SPATA32: variants seen among roughly 807,000 people sequenced by gnomAD.
The protein encoded by SPATA32 is spermatogenesis-associated protein 32.
In SPATA32, 28 loss-of-function variants were observed where a neutral mutation model predicts 35.4. The observed-to-expected ratio is 0.79, with a 90% CI of 0.59 to 1.09. SPATA32 has a LOEUF of 1.09. Among genes scored for constraint, SPATA32 ranks in the 50% least tolerant of loss-of-function variants. The pLI is 0.00. For synonymous variants in SPATA32, 168 were observed against 196.3 expected (o/e 0.86, Z 1.20); for missense variants, 409 against 475.9 (o/e 0.86, Z 1.31).
At position 45,255,955 on chromosome 17, in the gene SPATA32, T is replaced by A; in HGVS notation, c.227A>T (p.Glu76Val). The A allele has an allele frequency of 6.2e-7, 1 of 1,614,080 alleles. No homozygotes were observed. Among genetic ancestry groups the A allele is most frequent in the Non-Finnish European group, 8.5e-7 (1 of 1,180,008 alleles). ...TTCAAGCTTGAGGGCTGGGTATAGC[T>A]CTGACTCCAGTAAAGCCGGCACCTG... ...IGQVPALLES[E>V]LYPALKLEAE... The change falls in exon 4 of 5, where the codon GAG becomes GTG. Residue 76 changes from glutamate to valine, a missense_variant. By Grantham distance (121) the Glu-to-Val change is moderately radical (BLOSUM62 -2). Coordinates refer to ENST00000331780, the MANE Select transcript of SPATA32 (RefSeq NM_152343.3). This position sits in a 1 kb window ranked among gnomAD's most constrained non-coding sequence, Gnocchi z 5.4.
At chr17:45,257,323 C>G in intron 1 of SPATA32, 116 bp from the exon 2 acceptor site, 1 of 1,160,364 alleles carries the variant, frequency 8.6e-7, no homozygotes, top group Non-Finnish European at 1.2e-6. Context: ...GGCTGCTATT[C>G]CCCCTCACCG....
chr17:45,256,240 G>T lies in SPATA32; in HGVS notation c.108+136C>A, dbSNP rs966238419. The T allele has an allele frequency of 3.6e-5, 42 of 1,166,596 alleles. No individual in the cohort carries two copies. Among genetic ancestry groups the T allele is most frequent in the African/African-American group, 6.0e-5 (4 of 66,338 alleles). 72.3% of individuals were successfully genotyped at this position (1,166,596 alleles called of 1,614,324 possible). On this transcript the variant is annotated intron_variant, in intron 3 of 4. Coordinates refer to ENST00000331780, the MANE Select transcript of SPATA32 (RefSeq NM_152343.3). The surrounding 1 kb of genome is among the most constrained non-coding windows in gnomAD (Gnocchi z 4.7). ...TCTCAGAGACCTGCCCGGTGAGGGG[G>T]TGTGTGTGTGGGTGTACCCACACCG...
chr17:45,256,760 C>T lies in SPATA32; in HGVS notation c.69-345G>A, dbSNP rs1197130802. On this transcript the variant is annotated intron_variant, in intron 2 of 4. Coordinates refer to ENST00000331780, the MANE Select transcript of SPATA32 (RefSeq NM_152343.3). This position sits in a 1 kb window ranked among gnomAD's most constrained non-coding sequence, Gnocchi z 4.7. ...GCAACTCACTTCGAGGATTAGTGCC[C>T]AGAACACTAGTCCCCAGCAGGGGAG... is the stretch of plus-strand genomic sequence containing the variant. Among the ~76,000 whole-genome samples, 5 of 152,130 alleles carry T rather than the reference C, an allele frequency of 3.3e-5. No individual in the cohort carries two copies. The highest frequency in any genetic ancestry group is 1.2e-4 in the African/African-American group (5 of 41,410).
At chr17:45,258,856 A>C (rs2043980123) in intron 1 of SPATA32, among the ~76,000 whole-genome samples, 2 of 152,090 alleles carry the variant, frequency 1.3e-5, no homozygotes, top group Non-Finnish European at 2.9e-5. Flanking sequence ...GGCTGATCTC[A>C]AACTCCTGGC....
At chr17:45,258,415 A>G (rs1245488039) in intron 1 of SPATA32, among the ~76,000 whole-genome samples, 1 of 151,720 alleles carries the variant, frequency 6.6e-6, no homozygotes, top group Non-Finnish European at 1.5e-5. Context: ...TGCTCCCTTT[A>G]CAGAATTTCC....
chr17:45,258,350 A>T (rs1432104923), intron 1 of SPATA32, among the ~76,000 whole-genome samples: 1 of 151,750 alleles, frequency 6.6e-6, no homozygotes, highest in Non-Finnish European at 1.5e-5. Flanking sequence ...CTCCCTCTCC[A>T]ACTCCCCCTG....
At position 45,256,527 on chromosome 17, in the gene SPATA32, A is replaced by G. The variant is rs1598226786; in HGVS notation, c.69-112T>C. ...CTTGTAACAGAAGCTGGCACGATGC[A>G]CCTCCCGCCGACCACCCCGCCACCA... On this transcript the variant is annotated intron_variant, in intron 2 of 4. Coordinates refer to ENST00000331780, the MANE Select transcript of SPATA32 (RefSeq NM_152343.3). This position sits in a 1 kb window ranked among gnomAD's most constrained non-coding sequence, Gnocchi z 4.7. 4 of 917,166 alleles carry G rather than the reference A, an allele frequency of 4.4e-6. No homozygotes were observed. Among genetic ancestry groups the G allele is most frequent in the Non-Finnish European group, 7.1e-6 (4 of 564,964 alleles). The allele number at this position is 917,166 out of a possible 1,614,324, so 56.8% of individuals were successfully genotyped here. A position where few individuals can be genotyped will look rare whatever the true frequency, so the allele number is the denominator to read the frequency against.
intron 1 of SPATA32, among the ~76,000 whole-genome samples, chr17:45,261,610 A>G (rs1341699571): frequency 6.6e-6 from 1 of 152,248 alleles, no homozygotes; most frequent in Non-Finnish European, 1.5e-5. Context: ...CAAAGCCTCA[A>G]GCATCAAGGA....
At position 45,256,186 on chromosome 17, in the gene SPATA32, C is replaced by A; in HGVS notation, c.109-113G>T. Reference sequence around the variant, plus strand: ...CCTGCCCTGGGTCCTGCTGTCTTCCCCCCGCCCCCTAACCCCATGCCTGCC... The same window carrying A: ...CCTGCCCTGGGTCCTGCTGTCTTCCACCCGCCCCCTAACCCCATGCCTGCC... On this transcript the variant is annotated intron_variant, in intron 3 of 4. Transcript: ENST00000331780. The surrounding 1 kb of genome is among the most constrained non-coding windows in gnomAD (Gnocchi z 4.7). 7.4e-7 allele frequency: 1 copy of A among 1,346,908 alleles called. No individual in the cohort carries two copies. Among genetic ancestry groups the A allele is most frequent in the East Asian group, 2.3e-5 (1 of 42,832 alleles). The allele number at this position is 1,346,908 out of a possible 1,614,324, so 83.4% of individuals were successfully genotyped here.
rs889850081 is a variant in SPATA32, at chr17:45,258,430, G to A, written c.14-1223C>T. 1.1e-4 allele frequency among the ~76,000 whole-genome samples: 17 copies of A among 152,186 alleles called. No homozygotes were observed. In the Middle Eastern group the frequency reaches 0.014, roughly 122 times the overall value. Reference sequence around the variant, plus strand: ...TGCTCCCTTTACAGAATTTCCCTGGGCAGTTTAATCAACACCCACAGCCTC... The same window carrying A: ...TGCTCCCTTTACAGAATTTCCCTGGACAGTTTAATCAACACCCACAGCCTC... On this transcript the variant is annotated intron_variant, in intron 1 of 4. Transcript: ENST00000331780.
In SPATA32 at chr17:45,255,900, G is replaced by A. The variant is rs756172658; in HGVS notation, c.282C>T (p.Asn94=). The A allele has an allele frequency of 1.5e-5, 25 of 1,614,012 alleles. No homozygotes were observed. In the East Asian group the frequency reaches 1.8e-4, roughly 12 times the overall value. ...TGGGTTCTTCAAAGTCAGACTCCTC[G>A]TTCGAGTTGGCTTCCGTGTCCAGCT... ...EAELDTEANS[N]EESDFEEPMQ... Residue 94 remains asparagine (N), a synonymous_variant, in exon 4 of 5, where the codon AAC becomes AAT. Coordinates refer to ENST00000331780, the MANE Select transcript of SPATA32 (RefSeq NM_152343.3). The surrounding 1 kb of genome is among the most constrained non-coding windows in gnomAD (Gnocchi z 5.4).
At chr17:45,258,283 A>G (rs56269837) in intron 1 of SPATA32, among the ~76,000 whole-genome samples, 83,957 of 151,764 alleles carry the variant, frequency 0.55, 23,337 homozygotes, top group African/African-American at 0.58. Flanking sequence ...TGATCTCTTC[A>G]GAACCCTCCA....
rs753881676 is a variant in SPATA32, at chr17:45,255,953, G to A, written c.229C>T (p.Leu77=). 6.8e-6 allele frequency: 11 copies of A among 1,614,116 alleles called. No individual in the cohort carries two copies. The highest frequency in any genetic ancestry group is 9.3e-6 in the Non-Finnish European group (11 of 1,180,008). Residue 77 remains leucine (L), a synonymous_variant, in exon 4 of 5, where the codon CTA becomes TTA. Coordinates refer to ENST00000331780, the MANE Select transcript of SPATA32 (RefSeq NM_152343.3). This position sits in a 1 kb window ranked among gnomAD's most constrained non-coding sequence, Gnocchi z 5.4. The stretch of plus-strand genomic sequence containing the variant: ...GCTTCAAGCTTGAGGGCTGGGTATA[G>A]CTCTGACTCCAGTAAAGCCGGCACC... ...GQVPALLESE[L]YPALKLEAEL... is the part of the protein sequence containing the mutation.
In SPATA32 at chr17:45,255,668, G is replaced by A. The variant is rs1443056879; in HGVS notation, c.514C>T (p.Gln172Ter). Residue 172 changes from glutamine (Q) to a stop codon, truncating the protein, a stop_gained, in exon 4 of 5, where the codon CAG becomes TAG. Transcript: ENST00000331780. LOFTEE classifies it high-confidence loss of function. The surrounding 1 kb of genome is among the most constrained non-coding windows in gnomAD (Gnocchi z 5.4). ...TTGAGCTGCATGTTGATGGCCCGCT[G>A]CAGGCTGTGCTCTGAGGCCTGGATG... ...KLIQASEHSL[Q>*]RAINMQLNNG... The A allele has an allele frequency of 1.2e-5, 19 of 1,613,938 alleles. No homozygotes were observed. Among genetic ancestry groups the A allele is most frequent in the Admixed American group, 1.7e-5 (1 of 60,002 alleles).
intron 1 of SPATA32, among the ~76,000 whole-genome samples, chr17:45,257,802 T>G (rs1423858679): frequency 1.3e-5 from 2 of 152,166 alleles, no homozygotes; most frequent in Non-Finnish European, 2.9e-5. Context: ...ACCCCAGGTG[T>G]GTAATCTGAG....
intron 1 of SPATA32, among the ~76,000 whole-genome samples, chr17:45,259,631 C>T (rs11867409): frequency 0.021 from 3,193 of 151,968 alleles, 109 homozygotes; most frequent in African/African-American, 0.073. Context: ...AGTGATCCTT[C>T]CACCTCACCT....
In SPATA32 at chr17:45,255,867, C is replaced by G; in HGVS notation, c.315G>C (p.Leu105=). 6.2e-7 allele frequency: 1 copy of G among 1,614,144 alleles called. No individual in the cohort carries two copies. Among genetic ancestry groups the G allele is most frequent in the Non-Finnish European group, 8.5e-7 (1 of 1,180,030 alleles). Residue 105 remains leucine (L), a synonymous_variant, in exon 4 of 5, where the codon CTG becomes CTC. Coordinates refer to ENST00000331780, the MANE Select transcript of SPATA32 (RefSeq NM_152343.3). The surrounding 1 kb of genome is among the most constrained non-coding windows in gnomAD (Gnocchi z 5.4). The part of the protein sequence containing the change: ...EESDFEEPMQ[L]VCKIESVHSN... ...AGTGGACGGACTCTATCTTGCATAC[C>G]AGCTGCATGGGTTCTTCAAAGTCAG... is the stretch of plus-strand genomic sequence containing the variant.
intron 1 of SPATA32, among the ~76,000 whole-genome samples, chr17:45,258,009 G>A (rs1598228095): frequency 6.6e-6 from 1 of 152,204 alleles, no homozygotes. Flanking sequence ...CATGCATAGG[G>A]GTTGATGGTG....
chr17:45,257,498 C>T (rs977336464), intron 1 of SPATA32, among the ~76,000 whole-genome samples: 3 of 151,914 alleles, frequency 2.0e-5, no homozygotes, highest in African/African-American at 2.4e-5. Flanking sequence ...AGAGCGCTTC[C>T]ATAGCCTGGT....
Sources: gnomAD v4.1 joint callset for allele counts (sites outside exome capture counted in the v4.1 genomes callset) on GRCh38, gnomAD v4.1.1 for gene constraint, Gnocchi (gnomAD v3.1) non-coding constraint, MANE v1.5 for transcripts, NCBI Gene and HGNC (gene_info 2026-07-23, HGNC 2026-07-21) for gene names.